TNFSF18: variants seen among roughly 807,000 people sequenced by gnomAD.
The protein encoded by TNFSF18 is TNF superfamily member 18.
Under a neutral mutation model 9.6 loss-of-function variants are expected in TNFSF18, and 6 were observed. The ratio of observed to expected loss-of-function variants is 0.63; its 90% CI spans 0.34 to 1.24. The LOEUF (loss-of-function observed/expected upper bound fraction) is 1.24, where lower values mean the gene tolerates loss of function less well. Ranked by LOEUF, TNFSF18 falls within the 50% of genes most tolerant of loss-of-function variation. The pLI is 0.03. For synonymous variants in TNFSF18, 68 were observed against 71.7 expected (o/e 0.95, Z 0.26); for missense variants, 210 against 201.0 (o/e 1.04, Z -0.27).
intron 2 of TNFSF18, 112 bp from the exon 3 acceptor site, chr1:173,041,825 A>C (rs1379412542): frequency 1.0e-6 from 1 of 989,704 alleles, no homozygotes; most frequent in African/African-American, 1.6e-5. Context: ...TCTTTACCTG[A>C]TCTACACTAG....
chr1:173,041,799 C>T (rs1664999333), intron 2 of TNFSF18, 86 bp from the exon 3 acceptor site: 1 of 1,069,724 alleles, frequency 9.3e-7, no homozygotes, highest in South Asian at 3.2e-5. Context: ...TAATTATTTA[C>T]CACATACATG....
intron 1 of TNFSF18, among the ~76,000 whole-genome samples, chr1:173,044,613 C>T (rs756593369): frequency 6.6e-5 from 10 of 152,184 alleles, no homozygotes; most frequent in Non-Finnish European, 1.5e-4. Flanking sequence ...CTCAAAAATA[C>T]GTTGTAGTAA....
rs1012071048 is a variant in TNFSF18, at chr1:173,047,638, G to A, written c.156+3103C>T. 3.9e-5 allele frequency among the ~76,000 whole-genome samples: 6 copies of A among 152,132 alleles called. 1 individual carries two copies. Among genetic ancestry groups the A allele is most frequent in the Admixed American group, 2.0e-4 (3 of 15,264 alleles). On this transcript the variant is annotated intron_variant, in intron 1 of 2. Transcript: ENST00000404377. ...TAAATATGAATGAGTGCCAAAATAC[G>A]TGCCACAGATAGTATCTGCACCATC...
At chr1:173,050,579 A>G (rs542691448) in intron 1 of TNFSF18, among the ~76,000 whole-genome samples, 162 bp downstream of exon 1, 1 of 152,280 alleles carries the variant, frequency 6.6e-6, no homozygotes, top group Non-Finnish European at 1.5e-5. Flanking sequence ...TAAACTTCAA[A>G]CGCCATGTCA....
At chr1:173,046,631 T>C (rs977577275) in intron 1 of TNFSF18, among the ~76,000 whole-genome samples, 5 of 152,160 alleles carry the variant, frequency 3.3e-5, no homozygotes, top group African/African-American at 1.2e-4. Flanking sequence ...TATAACATTT[T>C]GGTGAAAGCA....
At chr1:173,046,922 T>G (rs1665094379) in intron 1 of TNFSF18, among the ~76,000 whole-genome samples, 1 of 152,024 alleles carries the variant, frequency 6.6e-6, no homozygotes. Flanking sequence ...AGACAGGGTC[T>G]CATTCCGTTG....
chr1:173,041,592 G>C lies in TNFSF18; in HGVS notation c.309C>G (p.Pro103=). ...GAGCTACATCATTGTAGTTTGCATTGGGAGCCACTTGGCCATAAATTAAAT... is the reference window on the plus strand; with the variant it reads ...GAGCTACATCATTGTAGTTTGCATTCGGAGCCACTTGGCCATAAATTAAAT... ...GLYLIYGQVA[P]NANYNDVAPF... is the part of the protein sequence containing the mutation. The change falls in exon 3 of 3, where the codon CCC becomes CCG. Residue 103 remains proline, a synonymous_variant. Transcript: ENST00000404377. The C allele has an allele frequency of 1.2e-6, 2 of 1,613,512 alleles. No individual in the cohort carries two copies. Among genetic ancestry groups the C allele is most frequent in the South Asian group, 1.1e-5 (1 of 91,068 alleles).
intron 1 of TNFSF18, among the ~76,000 whole-genome samples, chr1:173,044,687 G>A (rs1446386145): frequency 1.3e-5 from 2 of 152,192 alleles, no homozygotes; most frequent in Admixed American, 6.5e-5. Context: ...TAATGGCAAA[G>A]TGCTTAAAAG....
chr1:173,049,414 C>G (rs1665133742), intron 1 of TNFSF18, among the ~76,000 whole-genome samples: 1 of 152,170 alleles, frequency 6.6e-6, no homozygotes, highest in South Asian at 2.1e-4. Context: ...TCTGACAATT[C>G]TTTCTTTCAA....
At chr1:173,042,575 A>T (rs1013539706) in intron 2 of TNFSF18, among the ~76,000 whole-genome samples, 1 of 152,176 alleles carries the variant, frequency 6.6e-6, no homozygotes, top group Non-Finnish European at 1.5e-5. Context: ...GACTATTTAA[A>T]TATAAGGATC....
intron 1 of TNFSF18, among the ~76,000 whole-genome samples, chr1:173,048,657 AAC>A (rs969590921): frequency 9.8e-5 from 15 of 152,324 alleles, no homozygotes; most frequent in South Asian, 4.1e-4. Flanking sequence ...CTTCCCATCT[AAC>A]ACTTTTTAAA....
chr1:173,042,316 T>C (rs1665007191), intron 2 of TNFSF18, among the ~76,000 whole-genome samples: 1 of 152,152 alleles, frequency 6.6e-6, no homozygotes, highest in African/African-American at 2.4e-5. Context: ...AGGACAAATA[T>C]ATCTCTATTT....
intron 2 of TNFSF18, 108 bp from the exon 3 acceptor site, chr1:173,041,821 C>CGGCGA: frequency 1.9e-6 from 2 of 1,037,614 alleles, no homozygotes; most frequent in Non-Finnish European, 2.8e-6. Context: ...TGTTTCTTTA[C>CGGCGA]CTGATCTACA....
chr1:173,045,062 G>C (rs1665057096), intron 1 of TNFSF18, among the ~76,000 whole-genome samples: 1 of 152,192 alleles, frequency 6.6e-6, no homozygotes, highest in South Asian at 2.1e-4. Context: ...TGATGAGTTT[G>C]GTTGTGGACA....
chr1:173,046,549 T>G (rs1280904814), intron 1 of TNFSF18, among the ~76,000 whole-genome samples: 1 of 152,200 alleles, frequency 6.6e-6, no homozygotes, highest in Non-Finnish European at 1.5e-5. Flanking sequence ...ATAAAATAAA[T>G]GCATTCACCA....
At chr1:173,044,804 C>A (rs182937961) in intron 1 of TNFSF18, among the ~76,000 whole-genome samples, 3 of 152,054 alleles carry the variant, frequency 2.0e-5, no homozygotes, top group African/African-American at 7.3e-5. Flanking sequence ...GTGAGACTAG[C>A]TAAGAGATCA....
intron 2 of TNFSF18, among the ~76,000 whole-genome samples, chr1:173,042,582 G>A (rs1665010425): frequency 6.6e-6 from 1 of 152,000 alleles, no homozygotes; most frequent in African/African-American, 2.4e-5. Context: ...TAAATATAAG[G>A]ATCCCTAGTG....
In TNFSF18 at chr1:173,040,425, T is replaced by C. The variant is rs1438262919; in HGVS notation, c.*942A>G. 2.6e-5 allele frequency: 4 copies of C among 152,204 alleles called. No homozygotes were observed. Among genetic ancestry groups the C allele is most frequent in the Non-Finnish European group, 1.5e-5 (1 of 68,034 alleles). 9.4% of individuals were successfully genotyped at this position (152,204 alleles called of 1,614,324 possible). On this transcript the variant is annotated 3_prime_UTR_variant, in exon 3 of 3. Coordinates refer to ENST00000404377, the MANE Select transcript of TNFSF18 (RefSeq NM_005092.4). ...CATTGCCTCTTGTAGTCACTTGTCCTATGAGTTGAGGAAAGTTGGCTATGC... is the reference window on the plus strand; with the variant it reads ...CATTGCCTCTTGTAGTCACTTGTCCCATGAGTTGAGGAAAGTTGGCTATGC...
rs564817248 is a variant in TNFSF18, at chr1:173,039,254, G to C, written c.*2113C>G. Among the ~76,000 whole-genome samples the C allele has an allele frequency of 6.6e-6, 1 of 152,262 alleles. No homozygotes were observed. The highest frequency in any genetic ancestry group is 1.9e-4 in the East Asian group (1 of 5,186). On this transcript the variant is annotated 3_prime_UTR_variant, in exon 3 of 3. Transcript: ENST00000404377. ...TTTAAAATGCAGACTACTATGTGGA[G>C]AAACAGGAAAACAGTATACATTGAA... is the stretch of plus-strand genomic sequence containing the variant.
Sources: allele counts gnomAD v4.1 joint callset (sites outside exome capture counted in the v4.1 genomes callset), GRCh38; gene constraint gnomAD v4.1.1; transcripts MANE v1.5; gene names NCBI Gene and HGNC (gene_info 2026-07-23, HGNC 2026-07-21).